CRIM1: variants seen among roughly 807,000 people sequenced by gnomAD.
The protein encoded by CRIM1 is cysteine-rich motor neuron 1 protein.
A neutral mutation model predicts 116.4 loss-of-function variants in CRIM1; 32 were observed. The ratio of observed to expected loss-of-function variants is 0.27; its 90% confidence interval spans 0.21 to 0.37. The LOEUF (loss-of-function observed/expected upper bound fraction) is 0.37, where lower values mean the gene tolerates loss of function less well. CRIM1 is among the 10% of genes least tolerant of loss of function. The pLI is 1.00. For synonymous variants in CRIM1, 590 were observed against 509.2 expected (o/e 1.16, Z -2.13); for missense variants, 1,331 against 1,354.8 (o/e 0.98, Z 0.28).
intron 1 of CRIM1, among the ~76,000 whole-genome samples, chr2:36,361,441 C>T (rs543041268): frequency 7.9e-5 from 12 of 151,974 alleles, no homozygotes; most frequent in South Asian, 6.2e-4. Context: ...ATGCAATGAC[C>T]GGGATGAATG....
At chr2:36,509,244 G>A (rs767843447) in intron 8 of CRIM1, among the ~76,000 whole-genome samples, 6 of 152,156 alleles carry the variant, frequency 3.9e-5, no homozygotes, top group South Asian at 2.1e-4. Flanking sequence ...TGGGATGGGC[G>A]CAGTGACTCA....
chr2:36,519,714 C>G (rs1421506592), intron 12 of CRIM1, among the ~76,000 whole-genome samples: 1 of 152,176 alleles, frequency 6.6e-6, no homozygotes, highest in Non-Finnish European at 1.5e-5. Flanking sequence ...TTCCTCTCTT[C>G]AGCTTTCCCT....
At chr2:36,404,615 G>A (rs112832699) in intron 2 of CRIM1, among the ~76,000 whole-genome samples, 2 of 152,190 alleles carry the variant, frequency 1.3e-5, no homozygotes, top group African/African-American at 4.8e-5. Context: ...GGCAAATTTA[G>A]TTTGCTTTTA....
chr2:36,411,402 G>A (rs1029027001), intron 2 of CRIM1, among the ~76,000 whole-genome samples: 1 of 152,078 alleles, frequency 6.6e-6, no homozygotes, highest in African/African-American at 2.4e-5. Flanking sequence ...CTTTAGTCAG[G>A]AGAGTGTATT....
In CRIM1 at chr2:36,356,206, G is replaced by T; in HGVS notation, c.-87G>T. 2 of 565,920 alleles carry T rather than the reference G, an allele frequency of 3.5e-6. No individual in the cohort carries two copies. Among genetic ancestry groups the T allele is most frequent in the Non-Finnish European group, 5.0e-6 (2 of 396,848 alleles). 35.1% of individuals were successfully genotyped at this position (565,920 alleles called of 1,614,324 possible). Reference sequence around the variant, plus strand: ...AGGACCGCGGGCTGCTGGTGCGGCGGCGGCGGCGCGTGTGCCCCGCGCAGG... The same window carrying T: ...AGGACCGCGGGCTGCTGGTGCGGCGTCGGCGGCGCGTGTGCCCCGCGCAGG... On this transcript the variant is annotated 5_prime_UTR_variant, in exon 1 of 17. Coordinates refer to ENST00000280527, the MANE Select transcript of CRIM1 (RefSeq NM_016441.3). This position sits in a 1 kb window ranked among gnomAD's most constrained non-coding sequence, Gnocchi z 4.3.
intron 4 of CRIM1, among the ~76,000 whole-genome samples, chr2:36,456,980 C>T (rs958367999): frequency 3.3e-5 from 5 of 152,152 alleles, no homozygotes. Flanking sequence ...AACTTCTGTT[C>T]TCCTGCAGCT....
intron 1 of CRIM1, among the ~76,000 whole-genome samples, chr2:36,361,420 G>T (rs991467856): frequency 1.3e-5 from 2 of 152,144 alleles, no homozygotes; most frequent in African/African-American, 4.8e-5. Context: ...GTTTTGTGTG[G>T]TTTGTTGAAG....
Position 36,459,384 on chromosome 2 carries a change from A to G in CRIM1, c.870-5150A>G, listed in dbSNP as rs553373998. Among the ~76,000 whole-genome samples, 458 of 152,376 alleles carry G rather than the reference A, an allele frequency of 3.0e-3. 2 individuals are homozygous for G. The highest frequency in any genetic ancestry group is 4.9e-3 in the Non-Finnish European group (335 of 68,034). ...TCTAAAATGTATAAAAATAAAAAAT[A>G]TAAAACAATACATGGTCTAACCCCT... is the stretch of plus-strand genomic sequence containing the variant. On this transcript the variant is annotated intron_variant, in intron 4 of 16. Coordinates refer to ENST00000280527, the MANE Select transcript of CRIM1 (RefSeq NM_016441.3).
intron 4 of CRIM1, among the ~76,000 whole-genome samples, chr2:36,462,109 T>G (rs760601477): frequency 3.9e-5 from 6 of 152,166 alleles, no homozygotes; most frequent in Non-Finnish European, 5.9e-5. Context: ...TTGTAAAGAT[T>G]CAGCATAAAA....
intron 1 of CRIM1, among the ~76,000 whole-genome samples, chr2:36,357,123 CTCTTAT>C (rs745971224): frequency 1.3e-5 from 2 of 152,342 alleles, no homozygotes; most frequent in African/African-American, 4.8e-5. Context: ...CCCCGAGTGA[CTCTTAT>C]TATTTTTTCC....
intron 14 of CRIM1, among the ~76,000 whole-genome samples, chr2:36,542,607 G>T (rs1667025026): frequency 6.6e-6 from 1 of 152,200 alleles, no homozygotes; most frequent in South Asian, 2.1e-4. Flanking sequence ...TGGAATTGGT[G>T]TCGCATTTGC....
chr2:36,514,287 T>C (rs1664896119), intron 11 of CRIM1, among the ~76,000 whole-genome samples: 1 of 152,198 alleles, frequency 6.6e-6, no homozygotes, highest in Admixed American at 6.5e-5. Flanking sequence ...GTCCAAAACA[T>C]TTAAAATCAT....
chr2:36,529,191 A>C (rs1433211303), intron 13 of CRIM1: 1 of 471,154 alleles, frequency 2.1e-6, no homozygotes, highest in African/African-American at 2.0e-5. Context: ...GTGGTCAAGG[A>C]TATGGGGGAA....
chr2:36,469,094 G>T (rs1678282332), intron 5 of CRIM1, among the ~76,000 whole-genome samples: 1 of 152,160 alleles, frequency 6.6e-6, no homozygotes, highest in African/African-American at 2.4e-5. Flanking sequence ...ATAGTTAGCA[G>T]GGCCAGATAT....
intron 1 of CRIM1, among the ~76,000 whole-genome samples, chr2:36,385,140 A>C (rs1313889018): frequency 6.6e-6 from 1 of 151,870 alleles, no homozygotes; most frequent in Non-Finnish European, 1.5e-5. Context: ...TAGGGAAGAT[A>C]TTTCTTTGTA....
At chr2:36,499,181 A>ATG in intron 7 of CRIM1, 38 bp from the exon 8 acceptor site, 1 of 1,524,914 alleles carries the variant, frequency 6.6e-7, no homozygotes, top group South Asian at 1.1e-5. Flanking sequence ...AGGTAATCAT[A>ATG]TGTTTCATTG....
At chr2:36,402,359 C>T (rs768363198) in intron 2 of CRIM1, among the ~76,000 whole-genome samples, 5 of 147,366 alleles carry the variant, frequency 3.4e-5, no homozygotes, top group Non-Finnish European at 7.4e-5. Flanking sequence ...TCCATATGGA[C>T]GGAACAGCAA....
intron 1 of CRIM1, among the ~76,000 whole-genome samples, chr2:36,392,571 G>T (rs747360221): frequency 1.1e-4 from 17 of 152,022 alleles, no homozygotes; most frequent in Admixed American, 2.0e-4. Context: ...AACATAATTT[G>T]CCAACTGCTG....
At chr2:36,546,907 C>CTAT (rs1667386030) in intron 15 of CRIM1, 77 bp from the exon 16 acceptor site, 1 of 829,386 alleles carries the variant, frequency 1.2e-6, no homozygotes, top group Non-Finnish European at 1.9e-6. Flanking sequence ...TTGCTGATCT[C>CTAT]TATTTGCAAT....
Sources: allele counts gnomAD v4.1 joint callset (sites outside exome capture counted in the v4.1 genomes callset), GRCh38; gene constraint gnomAD v4.1.1; non-coding constraint Gnocchi (gnomAD v3.1); transcripts MANE v1.5; gene names NCBI Gene and HGNC (gene_info 2026-07-23, HGNC 2026-07-21).